PACRG: variants seen among roughly 807,000 people sequenced by gnomAD.
The protein encoded by PACRG is parkin coregulated.
A neutral mutation model predicts 29.7 loss-of-function variants in PACRG; 29 were observed. The ratio of observed to expected loss-of-function variants is 0.98; its 90% CI spans 0.73 to 1.33. The LOEUF (loss-of-function observed/expected upper bound fraction) is 1.33. PACRG is among the 40% of genes most tolerant of loss of function. The probability of loss-of-function intolerance (pLI) is 0.00; values close to 1 mark genes in which losing one functional copy is unlikely to be tolerated. For synonymous variants in PACRG, 116 were observed against 118.7 expected (o/e 0.98, Z 0.15); for missense variants, 279 against 316.2 (o/e 0.88, Z 0.89).
chr6:162,957,439 A>G, intron 2 of PACRG: 1 of 519,310 alleles, frequency 1.9e-6, no homozygotes, highest in South Asian at 1.9e-5. Context: ...GCCTGGGCAC[A>G]CACCACATGC....
chr6:162,978,076 G>A (rs373968049), intron 2 of PACRG, among the ~76,000 whole-genome samples: 4 of 150,562 alleles, frequency 2.7e-5, no homozygotes, highest in Admixed American at 6.6e-5. Flanking sequence ...CCCGGGAGCC[G>A]GAGGTTGCAG....
At chr6:162,769,221 A>G (rs1046741000) in intron 1 of PACRG, among the ~76,000 whole-genome samples, 9 of 152,060 alleles carry the variant, frequency 5.9e-5, no homozygotes, top group Non-Finnish European at 4.4e-5. Context: ...GTCCTCCAAG[A>G]AAGACAGTTG....
At chr6:162,856,058 T>C (rs1199331344) in intron 2 of PACRG, among the ~76,000 whole-genome samples, 1 of 152,018 alleles carries the variant, frequency 6.6e-6, no homozygotes, top group Non-Finnish European at 1.5e-5. Flanking sequence ...TTGTTGTTGT[T>C]GTTATTGTTG....
At chr6:163,221,841 T>C (rs1781592520) in intron 4 of PACRG, among the ~76,000 whole-genome samples, 2 of 151,320 alleles carry the variant, frequency 1.3e-5, no homozygotes, top group African/African-American at 4.9e-5. Context: ...CACAGGTGTG[T>C]ATTGGAGAGA....
chr6:163,308,983 T>C (rs916630425), intron 4 of PACRG, among the ~76,000 whole-genome samples: 21 of 152,252 alleles, frequency 1.4e-4, no homozygotes, highest in Admixed American at 1.4e-3. Context: ...ATCAAAAATA[T>C]GCCTTTTCTG....
chr6:163,146,478 A>C (rs1777809567), intron 4 of PACRG, among the ~76,000 whole-genome samples: 1 of 152,254 alleles, frequency 6.6e-6, no homozygotes, highest in Admixed American at 6.5e-5. Context: ...TCAAGCTAAG[A>C]AACTTGCCAT....
intron 2 of PACRG, among the ~76,000 whole-genome samples, chr6:162,875,093 TCA>T (rs1793191710): frequency 6.6e-6 from 1 of 152,056 alleles, no homozygotes; most frequent in African/African-American, 2.4e-5. Context: ...ATTCATGTGC[TCA>T]CACACATTTG....
intron 4 of PACRG, among the ~76,000 whole-genome samples, chr6:163,135,276 C>A (rs547167015): frequency 1.3e-5 from 2 of 152,028 alleles, no homozygotes; most frequent in African/African-American, 2.4e-5. Flanking sequence ...GCAGCCTCCA[C>A]CTCCTCGGTT....
chr6:162,864,213 T>C (rs1047962074), intron 2 of PACRG, among the ~76,000 whole-genome samples: 2 of 152,224 alleles, frequency 1.3e-5, no homozygotes, highest in Non-Finnish European at 1.5e-5. Flanking sequence ...TGAATAAAAA[T>C]ATTTATATTT....
chr6:163,217,598 C>A (rs1781414305), intron 4 of PACRG, among the ~76,000 whole-genome samples: 1 of 152,208 alleles, frequency 6.6e-6, no homozygotes, highest in Admixed American at 6.5e-5. Flanking sequence ...AGCTGCACAG[C>A]AGGAGGTGAG....
chr6:162,852,005 G>GAGGAAGGAAGGAAGGAAGGAA (rs1562663951), intron 2 of PACRG, among the ~76,000 whole-genome samples: 41 of 116,084 alleles, frequency 3.5e-4, no homozygotes, highest in East Asian at 1.5e-3. Flanking sequence ...GGGAGGGAGG[G>GAGGAAGGAAGGAAGGAAGGAA]AGGAAGGAAG....
At position 162,806,719 on chromosome 6, in the gene PACRG, T is replaced by G. The variant is rs1441339849; in HGVS notation, c.157-7428T>G. On this transcript the variant is annotated intron_variant, in intron 1 of 4. Coordinates refer to ENST00000366888, the MANE Select transcript of PACRG (RefSeq NM_001080379.2). Reference sequence around the variant, plus strand: ...TACAGAGTACAGGAAGCATAGATTTTGCCTCATTATTAAGGGCTCTAGAAC... The same window carrying G: ...TACAGAGTACAGGAAGCATAGATTTGGCCTCATTATTAAGGGCTCTAGAAC... Among the ~76,000 whole-genome samples, 6 of 152,200 alleles carry G rather than the reference T, an allele frequency of 3.9e-5. No homozygotes were observed. The East Asian group carries it at 1.2e-3, about 29-fold the overall frequency.
chr6:163,027,932 AC>A (rs974216690), intron 2 of PACRG, among the ~76,000 whole-genome samples: 1 of 152,178 alleles, frequency 6.6e-6, no homozygotes, highest in African/African-American at 2.4e-5. Context: ...ACTGTCCCCC[AC>A]CAACCACCTT....
intron 1 of PACRG, among the ~76,000 whole-genome samples, chr6:162,766,252 T>A (rs908295188): frequency 3.9e-5 from 6 of 152,270 alleles, no homozygotes; most frequent in Non-Finnish European, 7.3e-5. Context: ...ACCATTCTAC[T>A]CTCTAGTTCT....
intron 2 of PACRG, among the ~76,000 whole-genome samples, chr6:162,994,628 A>T (rs1032212557): frequency 6.8e-6 from 1 of 148,064 alleles, no homozygotes; most frequent in Non-Finnish European, 1.5e-5. Flanking sequence ...TGGTTATTCT[A>T]GTTATACATT....
At chr6:162,964,040 T>A (rs1348882273) in intron 2 of PACRG, among the ~76,000 whole-genome samples, 1 of 152,208 alleles carries the variant, frequency 6.6e-6, no homozygotes, top group African/African-American at 2.4e-5. Flanking sequence ...TTTAATGAAT[T>A]GGTTTGAAAA....
At chr6:162,814,352 T>G in intron 2 of PACRG, 71 bp downstream of exon 2, 1 of 1,555,424 alleles carries the variant, frequency 6.4e-7, no homozygotes, top group Non-Finnish European at 8.8e-7. Context: ...CAAACACACT[T>G]GGCTGCTTAA....
intron 4 of PACRG, among the ~76,000 whole-genome samples, chr6:163,268,403 G>GA (rs935718345): frequency 3.7e-4 from 32 of 85,826 alleles, no homozygotes; most frequent in Middle Eastern, 6.3e-3. Flanking sequence ...CTGTCTCAAA[G>GA]AAAAAAAAAA....
rs1318730744 is a variant in PACRG at position 162,907,473 on chromosome 6, G to A, written c.291+93192G>A. On this transcript the variant is annotated intron_variant, in intron 2 of 4. Transcript: ENST00000366888. ...TGAAAAGACTTCTGGGTAAGGGGAA[G>A]GGAAGAGAGTAGAAAAATGCTTCCT... 6.6e-5 allele frequency among the ~76,000 whole-genome samples: 10 copies of A among 152,184 alleles called. No homozygotes were observed. In the East Asian group the frequency reaches 1.5e-3, roughly 24 times the overall value.
Sources: gnomAD v4.1 joint callset for allele counts (sites outside exome capture counted in the v4.1 genomes callset) on GRCh38, gnomAD v4.1.1 for gene constraint, MANE v1.5 for transcripts, NCBI Gene and HGNC (gene_info 2026-07-23, HGNC 2026-07-21) for gene names.